FBXL3: variants seen among roughly 807,000 people sequenced by gnomAD.
The protein encoded by FBXL3 is F-box and leucine rich repeat protein 3.
Under a neutral mutation model 37.9 loss-of-function variants are expected in FBXL3, and 14 were observed. The observed-to-expected ratio is 0.37, with a 90% CI of 0.24 to 0.58. FBXL3 has a LOEUF of 0.58. Ranked by LOEUF, FBXL3 falls within the 20% of genes least tolerant of loss-of-function variation. The probability of loss-of-function intolerance (pLI) is 0.74; values close to 1 mark genes in which losing one functional copy is unlikely to be tolerated. For synonymous variants in FBXL3, 194 were observed against 180.1 expected, an observed-to-expected ratio of 1.08 and a Z score of -0.62; for missense variants, 327 against 511.1, an observed-to-expected ratio of 0.64 and a Z score of 3.47.
intron 4 of FBXL3, chr13:77,010,271 C>G (rs1566227277): frequency 6.6e-6 from 1 of 151,750 alleles, no homozygotes; most frequent in Admixed American, 6.6e-5. Context: ...AAAAAAAACA[C>G]ACAGACATGG....
intron 3 of FBXL3, chr13:77,015,845 TG>T (rs2034633571): frequency 4.7e-6 from 1 of 213,178 alleles, no homozygotes; most frequent in South Asian, 1.7e-4. Context: ...GAGAAACCAC[TG>T]GTAAGTAAAA....
chr13:77,023,792 C>T (rs1211944587), intron 1 of FBXL3, among the ~76,000 whole-genome samples: 1 of 152,216 alleles, frequency 6.6e-6, no homozygotes, highest in Non-Finnish European at 1.5e-5. Context: ...GAAGGATATG[C>T]ATATGCATTA....
At chr13:77,019,911 C>A (rs1361477956) in intron 2 of FBXL3, among the ~76,000 whole-genome samples, 5 of 151,608 alleles carry the variant, frequency 3.3e-5, no homozygotes, top group African/African-American at 1.2e-4. Flanking sequence ...ACTAGATACA[C>A]CTGAATTGTA....
At chr13:77,013,117 C>T (rs1194886360) in intron 4 of FBXL3, 1 of 152,196 alleles carries the variant, frequency 6.6e-6, no homozygotes, top group Non-Finnish European at 1.5e-5. Flanking sequence ...TCCTGAAGAA[C>T]TAGTCCAAAA....
chr13:77,008,989 C>G (rs1013898633), intron 4 of FBXL3: 1 of 152,170 alleles, frequency 6.6e-6, no homozygotes, highest in Non-Finnish European at 1.5e-5. Flanking sequence ...TTTATTGTTA[C>G]AAGTATGATG....
At chr13:77,015,777 C>A in intron 3 of FBXL3, 197 bp from the exon 4 acceptor site, 1 of 343,118 alleles carries the variant, frequency 2.9e-6, no homozygotes, top group South Asian at 9.7e-5. Flanking sequence ...TGAGAAGAGT[C>A]TATTTATGTG....
rs1566225674 is a variant in FBXL3 at position 77,007,127 on chromosome 13, C to G, written c.*18G>C. Reference sequence around the variant, plus strand: ...AATACATTTGCTTGAAATTAAGGTGCTATTCATCATGCAGTTTTTACCAAG... The same window carrying G: ...AATACATTTGCTTGAAATTAAGGTGGTATTCATCATGCAGTTTTTACCAAG... On this transcript the variant is annotated 3_prime_UTR_variant, in exon 5 of 5. Transcript: ENST00000355619. 6.3e-7 allele frequency: 1 copy of G among 1,577,284 alleles called. No individual in the cohort carries two copies. The highest frequency in any genetic ancestry group is 1.2e-5 in the South Asian group (1 of 86,410).
chr13:77,011,669 GC>G (rs1432982714), intron 4 of FBXL3, among the ~76,000 whole-genome samples: 2 of 147,918 alleles, frequency 1.4e-5, no homozygotes, highest in Non-Finnish European at 3.0e-5. Flanking sequence ...ACTGCAGTAA[GC>G]CAGGATCACG....
chr13:77,011,043 GA>G (rs1334227966), intron 4 of FBXL3: 15 of 152,166 alleles, frequency 9.9e-5, no homozygotes, highest in African/African-American at 3.6e-4. Context: ...ACCCAAATTA[GA>G]AAATAGGCAA....
chr13:77,010,039 C>T (rs140117133), intron 4 of FBXL3: 2,314 of 152,140 alleles, frequency 0.015, 34 homozygotes, highest in East Asian at 0.071. Context: ...CACTCATAAG[C>T]GAGAGTTGAA....
chr13:77,007,184 A>T lies in FBXL3; in HGVS notation c.1248T>A (p.Leu416=). 1 of 1,612,128 alleles carries T rather than the reference A, an allele frequency of 6.2e-7. No individual in the cohort carries two copies. Residue 416 remains leucine (L), a synonymous_variant, in exon 5 of 5, where the codon CTT becomes CTA. Transcript: ENST00000355619. ...EQIHWEVSKH[L]GRVWFPDMMP... ...TCATGTCGGGAAACCACACCCTACC[A>T]AGATGCTTGGACACTTCCCAGTGAA...
At chr13:77,021,972 G>A in intron 1 of FBXL3, 111 bp from the exon 2 acceptor site, 1 of 831,066 alleles carries the variant, frequency 1.2e-6, no homozygotes, top group Non-Finnish European at 1.9e-6. Flanking sequence ...AAACATGCAG[G>A]AAAAACTGGA....
intron 4 of FBXL3, chr13:77,008,790 T>C (rs2034496215): frequency 6.6e-6 from 1 of 152,236 alleles, no homozygotes; most frequent in African/African-American, 2.4e-5. Flanking sequence ...GGACCTCAAG[T>C]GATCCACCCA....
In FBXL3 at chr13:77,005,614, T is replaced by C. The variant is rs14853; in HGVS notation, c.*1531A>G. The C allele has an allele frequency of 0.038, 5,725 of 152,242 alleles. 218 individuals are homozygous for C. The highest frequency in any genetic ancestry group is 0.14 in the East Asian group (717 of 5,184). 9.4% of individuals were successfully genotyped at this position (152,242 alleles called of 1,614,324 possible). On this transcript the variant is annotated 3_prime_UTR_variant, in exon 5 of 5. Coordinates refer to ENST00000355619, the MANE Select transcript of FBXL3 (RefSeq NM_012158.4). ...CCTTTTTTCTTCTCATATGTTGCTG[T>C]AGGAGAGCATATCATCACTTTTGGA...
At position 77,007,122 on chromosome 13, in the gene FBXL3, A is replaced by C. The variant is rs1179871421; in HGVS notation, c.*23T>G. On this transcript the variant is annotated 3_prime_UTR_variant, in exon 5 of 5. Coordinates refer to ENST00000355619, the MANE Select transcript of FBXL3 (RefSeq NM_012158.4). ...ATTATAATACATTTGCTTGAAATTA[A>C]GGTGCTATTCATCATGCAGTTTTTA... is the stretch of plus-strand genomic sequence containing the variant. 6.4e-7 allele frequency: 1 copy of C among 1,560,540 alleles called. No individual in the cohort carries two copies. Among genetic ancestry groups the C allele is most frequent in the Admixed American group, 1.9e-5 (1 of 53,808 alleles).
chr13:77,015,518 C>T lies in FBXL3; in HGVS notation c.534G>A (p.Lys178=), dbSNP rs1316303220. The change falls in exon 4 of 5, where the codon AAG becomes AAA. Residue 178 remains lysine, a synonymous_variant. Coordinates refer to ENST00000355619, the MANE Select transcript of FBXL3 (RefSeq NM_012158.4). ...FVNSKSLSSL[K]IDDTPVDDPS... Reference sequence around the variant, plus strand: ...GATCATCTACTGGAGTATCATCTATCTTAAGCGAAGACAGGGATTTGGAGT... The same window carrying T: ...GATCATCTACTGGAGTATCATCTATTTTAAGCGAAGACAGGGATTTGGAGT... 6.2e-7 allele frequency: 1 copy of T among 1,606,488 alleles called. No homozygotes were observed. The highest frequency in any genetic ancestry group is 2.2e-5 in the East Asian group (1 of 44,448).
chr13:77,009,666 T>C (rs1468221315), intron 4 of FBXL3: 2 of 152,192 alleles, frequency 1.3e-5, no homozygotes, highest in African/African-American at 4.8e-5. Flanking sequence ...CAGTGTAAAT[T>C]AGTTCAACCA....
rs376287641 is a variant in FBXL3, at chr13:77,026,369, T to A, written c.-2+458A>T. 3.0e-6 allele frequency: 3 copies of A among 985,200 alleles called. No individual in the cohort carries two copies. The East Asian group carries it at 3.4e-4, about 112-fold the overall frequency. The allele number at this position is 985,200 out of a possible 1,614,324, so 61.0% of individuals were successfully genotyped here. A position where few individuals can be genotyped will look rare whatever the true frequency, so the allele number is the denominator to read the frequency against. ...CCACCGACTGGCTTCCCCTGACATTTCTCATGCGCCCCACCCTGGGCAGTT... is the reference window on the plus strand; with the variant it reads ...CCACCGACTGGCTTCCCCTGACATTACTCATGCGCCCCACCCTGGGCAGTT... On this transcript the variant is annotated intron_variant, in intron 1 of 4. Transcript: ENST00000355619.
chr13:77,012,658 C>T (rs1452663603), intron 4 of FBXL3: 1 of 151,984 alleles, frequency 6.6e-6, no homozygotes, highest in Non-Finnish European at 1.5e-5. Context: ...GAATACAGTC[C>T]CTAATTTCAA....
Sources: allele counts gnomAD v4.1 joint callset (sites outside exome capture counted in the v4.1 genomes callset), GRCh38; gene constraint gnomAD v4.1.1; transcripts MANE v1.5; gene names NCBI Gene and HGNC (gene_info 2026-07-23, HGNC 2026-07-21).